EYA3: variants seen among roughly 807,000 people sequenced by gnomAD.
EYA3 encodes the protein EYA transcriptional coactivator and phosphatase 3.
In EYA3, 39 loss-of-function variants were observed where a neutral mutation model predicts 80.0. The observed-to-expected ratio is 0.49, with a 90% CI of 0.38 to 0.64. The LOEUF is 0.64. EYA3 is among the 30% of genes least tolerant of loss of function. The pLI is 0.00. For synonymous variants in EYA3, 206 were observed against 232.8 expected (o/e 0.88, Z 1.05); for missense variants, 523 against 676.1 (o/e 0.77, Z 2.51).
At chr1:28,038,295 G>A (rs1643563107) in intron 5 of EYA3, among the ~76,000 whole-genome samples, 1 of 152,012 alleles carries the variant, frequency 6.6e-6, no homozygotes, top group African/African-American at 2.4e-5. Flanking sequence ...AAAATTAGCT[G>A]GGCGTGGTGG....
At chr1:28,058,139 T>A in intron 1 of EYA3, 45 bp from the exon 2 acceptor site, 1 of 738,424 alleles carries the variant, frequency 1.4e-6, no homozygotes, top group Non-Finnish European at 2.1e-6. Context: ...ACTCTTAAAG[T>A]ATTATCATTG....
chr1:27,976,938 G>A (rs1410425476), intron 17 of EYA3: 17 of 771,992 alleles, frequency 2.2e-5, no homozygotes, highest in Non-Finnish European at 2.2e-5. Flanking sequence ...GGCTAGTCTC[G>A]AACTCCTGAC....
rs550715203 is a variant in EYA3 at position 28,076,007 on chromosome 1, G to A, written c.-69+12517C>T. Reference sequence around the variant, plus strand: ...CAAATATCCAGCAGACCTACACTCAGCTAACCTCTCTTAAGGCTCCCTTTA... The same window carrying A: ...CAAATATCCAGCAGACCTACACTCAACTAACCTCTCTTAAGGCTCCCTTTA... On this transcript the variant is annotated intron_variant, in intron 1 of 17. Coordinates refer to ENST00000373871, the MANE Select transcript of EYA3 (RefSeq NM_001990.4). 1.9e-4 allele frequency among the ~76,000 whole-genome samples: 29 copies of A among 152,270 alleles called. No individual in the cohort carries two copies. The South Asian group carries it at 4.8e-3, about 25-fold the overall frequency.
chr1:28,050,205 T>TTA (rs1557617393), intron 2 of EYA3, among the ~76,000 whole-genome samples: 37 of 139,878 alleles, frequency 2.6e-4, no homozygotes, highest in Admixed American at 1.7e-3. Flanking sequence ...TATTATTATT[T>TTA]TTTTTGAGAC....
chr1:27,985,367 C>T (rs1639583853), intron 16 of EYA3, among the ~76,000 whole-genome samples: 1 of 152,150 alleles, frequency 6.6e-6, no homozygotes, highest in Non-Finnish European at 1.5e-5. Flanking sequence ...GTGTGAACCA[C>T]TGTACCTGGC....
intron 7 of EYA3, among the ~76,000 whole-genome samples, chr1:28,026,368 C>A (rs996682985): frequency 6.6e-6 from 1 of 152,224 alleles, no homozygotes; most frequent in East Asian, 1.9e-4. Context: ...ATAATTTCAA[C>A]ACTTTGGGAA....
chr1:27,993,629 G>A (rs1640225858), intron 13 of EYA3, 69 bp from the exon 14 acceptor site: 2 of 1,391,376 alleles, frequency 1.4e-6, no homozygotes, highest in Non-Finnish European at 1.9e-6. Context: ...GTGCTATTTG[G>A]TTGGGTTCTT....
At chr1:27,984,642 T>C (rs1403007054) in intron 16 of EYA3, among the ~76,000 whole-genome samples, 1 of 152,236 alleles carries the variant, frequency 6.6e-6, no homozygotes, top group Admixed American at 6.5e-5. Flanking sequence ...AGAGGACTTT[T>C]GTCACTGCTG....
intron 1 of EYA3, among the ~76,000 whole-genome samples, chr1:28,072,992 T>C (rs951354813): frequency 4.7e-5 from 7 of 150,170 alleles, no homozygotes; most frequent in African/African-American, 1.7e-4. Flanking sequence ...TCCATTTATA[T>C]CACATAACTA....
At chr1:28,050,192 TA>T (rs199618152) in intron 2 of EYA3, among the ~76,000 whole-genome samples, 32,014 of 144,752 alleles carry the variant, frequency 0.22, 3,994 homozygotes, top group Non-Finnish European at 0.26. Context: ...TTATTATTAT[TA>T]TTATTATTAT....
chr1:28,065,344 C>G (rs556441797), intron 1 of EYA3, among the ~76,000 whole-genome samples: 1 of 152,078 alleles, frequency 6.6e-6, no homozygotes. Flanking sequence ...GAGATCTCAG[C>G]TCACTGCAAC....
chr1:28,065,925 C>A (rs1447906276), intron 1 of EYA3, among the ~76,000 whole-genome samples: 1 of 151,860 alleles, frequency 6.6e-6, no homozygotes, highest in Non-Finnish European at 1.5e-5. Flanking sequence ...ACTGCTTGAA[C>A]CAGGACCCGG....
chr1:28,006,240 A>C (rs1256926879), intron 10 of EYA3, among the ~76,000 whole-genome samples: 2 of 152,224 alleles, frequency 1.3e-5, no homozygotes, highest in African/African-American at 2.4e-5. Flanking sequence ...AATTATGCAA[A>C]GTAATGCATC....
rs1465772000 is a variant in EYA3, at chr1:28,009,791, T to A, written c.909+1156A>T. On this transcript the variant is annotated intron_variant, in intron 10 of 17. Coordinates refer to ENST00000373871, the MANE Select transcript of EYA3 (RefSeq NM_001990.4). This position sits in a 1 kb window ranked among gnomAD's most constrained non-coding sequence, Gnocchi z 4.8. ...AAAGTAGAATAGAGGTTACCAGAGG[T>A]TAGAAGAAGGGGAGAATGGGGAGTT... Among the ~76,000 whole-genome samples the A allele has an allele frequency of 6.6e-6, 1 of 152,148 alleles. No individual in the cohort carries two copies. The highest frequency in any genetic ancestry group is 1.5e-5 in the Non-Finnish European group (1 of 68,034).
At chr1:28,027,691 C>A in intron 7 of EYA3, 98 bp downstream of exon 7, 1 of 1,487,512 alleles carries the variant, frequency 6.7e-7, no homozygotes, top group Non-Finnish European at 9.3e-7. Flanking sequence ...GACAGAGCTC[C>A]TGTATTATCC....
At chr1:27,983,508 C>CT (rs1639449788) in intron 16 of EYA3, among the ~76,000 whole-genome samples, 1 of 152,118 alleles carries the variant, frequency 6.6e-6, no homozygotes, top group Non-Finnish European at 1.5e-5. Context: ...TTTGCAGTTC[C>CT]TTAATTTGTG....
intron 2 of EYA3, among the ~76,000 whole-genome samples, chr1:28,049,354 T>C (rs1296581142): frequency 1.3e-5 from 2 of 152,210 alleles, no homozygotes; most frequent in African/African-American, 4.8e-5. Flanking sequence ...TTCCATTCAA[T>C]GTTCTCTTAA....
chr1:28,024,516 G>A (rs1332654522), intron 7 of EYA3, among the ~76,000 whole-genome samples: 1 of 151,966 alleles, frequency 6.6e-6, no homozygotes, highest in African/African-American at 2.4e-5. Context: ...AATTAGCTGG[G>A]CGTGGTGGTG....
intron 11 of EYA3, among the ~76,000 whole-genome samples, chr1:28,000,821 G>A (rs750268732): frequency 7.9e-5 from 12 of 152,140 alleles, no homozygotes; most frequent in East Asian, 3.9e-4. Context: ...CTAGCACTTT[G>A]GGAGTCCAAG....
Sources: allele counts gnomAD v4.1 joint callset (sites outside exome capture counted in the v4.1 genomes callset), GRCh38; gene constraint gnomAD v4.1.1; non-coding constraint Gnocchi (gnomAD v3.1); transcripts MANE v1.5; gene names NCBI Gene and HGNC (gene_info 2026-07-23, HGNC 2026-07-21).